Variants in MGMT observed in about 807,000 individuals in gnomAD.
The protein encoded by MGMT is O-6-methylguanine-DNA methyltransferase, also known as methylated-DNA--protein-cysteine methyltransferase.
A neutral mutation model predicts 15.9 loss-of-function variants in MGMT; 14 were observed. The observed-to-expected ratio is 0.88, with a 90% CI of 0.58 to 1.37. MGMT has a LOEUF of 1.37. Ranked by LOEUF, MGMT falls within the 40% of genes most tolerant of loss-of-function variation. The probability of loss-of-function intolerance (pLI) is 0.00; values close to 1 mark genes in which losing one functional copy is unlikely to be tolerated. For synonymous variants in MGMT, 130 were observed against 118.2 expected (o/e 1.10, Z -0.65); for missense variants, 282 against 268.1 (o/e 1.05, Z -0.36).
chr10:129,489,869 T>C (rs1845450573), intron 1 of MGMT, among the ~76,000 whole-genome samples: 1 of 123,982 alleles, frequency 8.1e-6, no homozygotes, highest in Non-Finnish European at 1.7e-5. Context: ...CTTTGTTTTT[T>C]CTACATAGAC....
intron 2 of MGMT, among the ~76,000 whole-genome samples, chr10:129,668,416 G>A (rs966366271): frequency 1.3e-5 from 2 of 152,148 alleles, no homozygotes; most frequent in African/African-American, 4.8e-5. Context: ...TTACAGTTAT[G>A]ATTTCAGTTG....
chr10:129,549,282 T>C, intron 2 of MGMT, among the ~76,000 whole-genome samples: 1 of 152,220 alleles, frequency 6.6e-6, no homozygotes, highest in East Asian at 1.9e-4. Context: ...TCATGTGATA[T>C]CCTCTCGTTT....
intron 2 of MGMT, among the ~76,000 whole-genome samples, chr10:129,560,183 A>G (rs1037285085): frequency 2.0e-5 from 3 of 152,318 alleles, no homozygotes; most frequent in South Asian, 2.1e-4. Context: ...TTGCAATGCA[A>G]AGTTTCAGGG....
intron 2 of MGMT, among the ~76,000 whole-genome samples, chr10:129,636,168 A>G (rs891432752): frequency 6.6e-6 from 1 of 152,152 alleles, no homozygotes; most frequent in African/African-American, 2.4e-5. Flanking sequence ...TCTGGTTACA[A>G]ATTTTTGTGG....
chr10:129,485,218 A>T (rs1252637230), intron 1 of MGMT, among the ~76,000 whole-genome samples: 1 of 152,130 alleles, frequency 6.6e-6, no homozygotes, highest in African/African-American at 2.4e-5. Context: ...TCTTCTGGAG[A>T]TGCCTGGCGT....
chr10:129,700,381 G>A (rs965196177), intron 2 of MGMT: 1 of 150,380 alleles, frequency 6.6e-6, no homozygotes, highest in Admixed American at 6.8e-5. Flanking sequence ...CATGGTCATA[G>A]TGCCCAAACA....
At chr10:129,580,908 G>T (rs949092018) in intron 2 of MGMT, among the ~76,000 whole-genome samples, 11 of 152,214 alleles carry the variant, frequency 7.2e-5, no homozygotes, top group African/African-American at 2.7e-4. Flanking sequence ...GGGAACCATG[G>T]TTGCTGTTGA....
At chr10:129,653,545 C>T (rs1451555625) in intron 2 of MGMT, among the ~76,000 whole-genome samples, 1 of 152,354 alleles carries the variant, frequency 6.6e-6, no homozygotes, top group Non-Finnish European at 1.5e-5. Context: ...AGGGGTAACG[C>T]CTGCAAACCC....
chr10:129,626,238 T>C (rs1286053064), intron 2 of MGMT, among the ~76,000 whole-genome samples: 1 of 152,184 alleles, frequency 6.6e-6, no homozygotes. Context: ...TTTAGTAGAA[T>C]AGTCCGTGCT....
chr10:129,647,030 C>G (rs1429352954), intron 2 of MGMT, among the ~76,000 whole-genome samples: 4 of 151,986 alleles, frequency 2.6e-5, no homozygotes, highest in Non-Finnish European at 5.9e-5. Context: ...TCCTCCCAGC[C>G]GCTCAGTCCA....
chr10:129,605,431 A>G (rs527515676), intron 2 of MGMT, among the ~76,000 whole-genome samples: 1 of 152,148 alleles, frequency 6.6e-6, no homozygotes, highest in Non-Finnish European at 1.5e-5. Flanking sequence ...CCATCTGTAC[A>G]TCATTTCTGA....
At chr10:129,522,475 G>A (rs1055887761) in intron 1 of MGMT, among the ~76,000 whole-genome samples, 21 of 152,204 alleles carry the variant, frequency 1.4e-4, no homozygotes, top group Non-Finnish European at 7.3e-5. Context: ...CCATCCCACA[G>A]TGCTCTTTGT....
chr10:129,673,902 G>C (rs954374920), intron 2 of MGMT, among the ~76,000 whole-genome samples: 32 of 152,086 alleles, frequency 2.1e-4, no homozygotes, highest in African/African-American at 4.8e-4. Flanking sequence ...GCCAAACCCA[G>C]TCCTTTTACT....
chr10:129,630,664 G>A lies in MGMT; in HGVS notation c.126-77231G>A, dbSNP rs138518000. ...GAACTGATAGAAAAAGAAAACAGAAGGAAGATTTTTGTGGGCAGAGCCGAG... is the reference window on the plus strand; with the variant it reads ...GAACTGATAGAAAAAGAAAACAGAAAGAAGATTTTTGTGGGCAGAGCCGAG... On this transcript the variant is annotated intron_variant, in intron 2 of 4. Coordinates refer to ENST00000651593, the MANE Select transcript of MGMT (RefSeq NM_002412.5). Among the ~76,000 whole-genome samples, 7 of 152,242 alleles carry A rather than the reference G, an allele frequency of 4.6e-5. No individual in the cohort carries two copies. In the East Asian group the frequency reaches 1.4e-3, roughly 29 times the overall value.
chr10:129,526,982 ATT>A (rs1297344028), intron 1 of MGMT, among the ~76,000 whole-genome samples: 5 of 152,170 alleles, frequency 3.3e-5, no homozygotes, highest in Non-Finnish European at 7.3e-5. Context: ...TGAAAAATAA[ATT>A]TTTTTCTGCC....
At chr10:129,569,193 GCCTCGCAGGTT>G (rs2133037693) in intron 2 of MGMT, among the ~76,000 whole-genome samples, 1 of 152,230 alleles carries the variant, frequency 6.6e-6, no homozygotes, top group African/African-American at 2.4e-5. Context: ...TCTCATGCCT[GCCTCGCAGGTT>G]CAGATGTGAC....
intron 2 of MGMT, among the ~76,000 whole-genome samples, chr10:129,558,168 T>A (rs1159931896): frequency 6.6e-6 from 1 of 152,176 alleles, no homozygotes; most frequent in Non-Finnish European, 1.5e-5. Context: ...CTTCGGAGTC[T>A]TTTTAAAATT....
intron 2 of MGMT, among the ~76,000 whole-genome samples, chr10:129,705,413 A>G (rs1300616722): frequency 1.3e-5 from 2 of 152,214 alleles, no homozygotes; most frequent in Non-Finnish European, 2.9e-5. Context: ...CTTTAACACA[A>G]ACCCAAAACA....
intron 1 of MGMT, among the ~76,000 whole-genome samples, chr10:129,525,480 C>T (rs956856045): frequency 1.3e-5 from 2 of 152,138 alleles, no homozygotes; most frequent in African/African-American, 4.8e-5. Flanking sequence ...TATGCTGAGC[C>T]CTTTAATAAG....
Sources: gnomAD v4.1 joint callset for allele counts (sites outside exome capture counted in the v4.1 genomes callset) on GRCh38, gnomAD v4.1.1 for gene constraint, MANE v1.5 for transcripts, NCBI Gene and HGNC (gene_info 2026-07-23, HGNC 2026-07-21) for gene names.